Variants in CCDC141 observed in about 807,000 individuals in gnomAD.
CCDC141 encodes the protein coiled-coil domain-containing protein 141.
Under a neutral mutation model 181.0 loss-of-function variants are expected in CCDC141, and 168 were observed. That is an observed-to-expected ratio of 0.93 (90% CI 0.82 to 1.05). The LOEUF is 1.05. CCDC141 is among the 50% of genes least tolerant of loss of function. CCDC141 has a pLI of 0.00. For missense variants in CCDC141, 1,902 were observed against 1,788.5 expected, an observed-to-expected ratio of 1.06 and a Z score of -1.14; for synonymous variants, 666 against 642.3, an observed-to-expected ratio of 1.04 and a Z score of -0.56.
intron 3 of CCDC141, 31 bp from the exon 4 acceptor site, chr2:178,975,196 G>C: frequency 8.6e-7 from 1 of 1,161,320 alleles, no homozygotes; most frequent in Non-Finnish European, 1.2e-6. Context: ...AAAGACATTT[G>C]ACATTTGTAT....
rs560263437 is a variant in CCDC141 at position 178,838,503 on chromosome 2, T to C, written c.3475-759A>G. On this transcript the variant is annotated intron_variant, in intron 22 of 23. Transcript: ENST00000443758. ...TACCTCATATAGAGAAAGCAATTCT[T>C]CATGACTAGTTTTATTTTCTTGAAG... 2.6e-5 allele frequency among the ~76,000 whole-genome samples: 4 copies of C among 152,350 alleles called. No individual in the cohort carries two copies. The South Asian group carries it at 8.3e-4, about 32-fold the overall frequency.
At chr2:178,829,245 T>C (rs920625494), downstream of CCDC141, among the ~76,000 whole-genome samples, 6 of 152,366 alleles carry the variant, frequency 3.9e-5, no homozygotes, top group Admixed American at 1.3e-4. Context: ...TTCTGCACTC[T>C]TGCTCTTTAA....
chr2:178,984,348 C>T (rs919577862), intron 2 of CCDC141, among the ~76,000 whole-genome samples: 32 of 149,138 alleles, frequency 2.1e-4, no homozygotes, highest in Middle Eastern at 3.4e-3. Flanking sequence ...CCAGTACCAG[C>T]CGCTGCAAAA....
rs1157996373 is a variant in CCDC141 at position 178,872,439 on chromosome 2, G to A, written c.1900-127C>T. 9.7e-6 allele frequency: 8 copies of A among 825,110 alleles called. No individual in the cohort carries two copies. In the East Asian group the frequency reaches 2.2e-4, roughly 23 times the overall value. 51.1% of individuals were successfully genotyped at this position (825,110 alleles called of 1,614,324 possible). A position where few individuals can be genotyped will look rare whatever the true frequency, so the allele number is the denominator to read the frequency against. ...AGCCGAAGATGGTTCTGACATCCAA[G>A]CAAGTCCGAAATCCCTGCGCAGAGG... On this transcript the variant is annotated intron_variant, in intron 12 of 23. Transcript: ENST00000443758.
chr2:178,944,976 A>G (rs566526459), intron 5 of CCDC141, among the ~76,000 whole-genome samples: 1 of 152,210 alleles, frequency 6.6e-6, no homozygotes, highest in Non-Finnish European at 1.5e-5. Context: ...TTCATTTAAA[A>G]TATATCTTCT....
chr2:178,987,808 G>C (rs1691828529), intron 2 of CCDC141, among the ~76,000 whole-genome samples: 1 of 149,852 alleles, frequency 6.7e-6, no homozygotes, highest in Non-Finnish European at 1.5e-5. Flanking sequence ...TCATTAAAAA[G>C]TCAGGAAACA....
intron 4 of CCDC141, among the ~76,000 whole-genome samples, chr2:178,966,111 C>T (rs1690618832): frequency 6.6e-6 from 1 of 152,178 alleles, no homozygotes; most frequent in South Asian, 2.1e-4. Context: ...AAGGCAGCCG[C>T]CCCAGTCAGG....
intron 2 of CCDC141, among the ~76,000 whole-genome samples, chr2:178,978,884 C>T (rs1691242306): frequency 1.3e-5 from 2 of 152,102 alleles, no homozygotes; most frequent in South Asian, 2.1e-4. Flanking sequence ...AGGCTAAGGG[C>T]GTTCACATTT....
At chr2:178,822,701 T>C in the CCDC141 span, among the ~76,000 whole-genome samples, 1 of 152,214 alleles carries the variant, frequency 6.6e-6, no homozygotes, top group Non-Finnish European at 1.5e-5. Context: ...GATGGCCCTA[T>C]GTTTCTCAGG....
chr2:178,900,547 C>T (rs1687635647), intron 8 of CCDC141, among the ~76,000 whole-genome samples: 1 of 151,972 alleles, frequency 6.6e-6, no homozygotes, highest in Non-Finnish European at 1.5e-5. Context: ...GAGACAGCAC[C>T]ACTCTTGGCA....
intron 4 of CCDC141, among the ~76,000 whole-genome samples, chr2:178,965,837 C>A (rs1690604555): frequency 6.6e-6 from 1 of 152,150 alleles, no homozygotes; most frequent in African/African-American, 2.4e-5. Context: ...AGTTCCCACC[C>A]CCAGAGAGCC....
chr2:178,862,242 T>C (rs1166210281), intron 17 of CCDC141, among the ~76,000 whole-genome samples: 1 of 152,204 alleles, frequency 6.6e-6, no homozygotes, highest in African/African-American at 2.4e-5. Flanking sequence ...GTTGCTACAG[T>C]GGAAAATTTC....
chr2:179,015,381 CTCATATATGTATCATATAT>C (rs2042456018), intron 2 of CCDC141, among the ~76,000 whole-genome samples: 2 of 136,824 alleles, frequency 1.5e-5, no homozygotes, highest in Admixed American at 7.9e-5. Context: ...TCATATATAT[CTCATATATGTATCATATAT>C]CTCATATATG....
At chr2:178,925,354 G>GTGGACCCACTAAGCAGCACTT (rs1459979108) in intron 6 of CCDC141, among the ~76,000 whole-genome samples, 3 of 152,214 alleles carry the variant, frequency 2.0e-5, no homozygotes, top group Admixed American at 6.5e-5. Flanking sequence ...TGGCCACTGA[G>GTGGACCCACTAAGCAGCACTT]TGGACCCACT....
chr2:178,891,069 T>G (rs1004071321), intron 8 of CCDC141, among the ~76,000 whole-genome samples: 1 of 152,156 alleles, frequency 6.6e-6, no homozygotes, highest in Non-Finnish European at 1.5e-5. Flanking sequence ...TAATTTCAAG[T>G]CTCTTTGCTA....
At chr2:179,015,089 T>TACAC (rs1319398966) in intron 2 of CCDC141, among the ~76,000 whole-genome samples, 1 of 47,124 alleles carries the variant, frequency 2.1e-5, no homozygotes, top group Admixed American at 1.7e-4. Flanking sequence ...TATATATATA[T>TACAC]ATATATATAT....
chr2:178,993,881 G>T (rs890085885), intron 2 of CCDC141, among the ~76,000 whole-genome samples: 8 of 152,212 alleles, frequency 5.3e-5, no homozygotes, highest in East Asian at 1.9e-4. Context: ...AAATCTAGCA[G>T]AGTAGTCAAA....
At chr2:179,047,994 G>C (rs1023189542) in intron 1 of CCDC141, among the ~76,000 whole-genome samples, 1 of 152,182 alleles carries the variant, frequency 6.6e-6, no homozygotes, top group Non-Finnish European at 1.5e-5. Flanking sequence ...ATTAAAGCGT[G>C]TAGGAAAATA....
rs538421004 is a variant in CCDC141, at chr2:178,861,691, A to G, written c.2724+4076T>C. On this transcript the variant is annotated intron_variant, in intron 17 of 23. Transcript: ENST00000443758. The stretch of plus-strand genomic sequence containing the variant: ...GAGGCAGGGTCTCACCATCTTGCCT[A>G]GGCTGGACTGGAACTCCTGGGCTCC... Among the ~76,000 whole-genome samples, 295 of 151,270 alleles carry G rather than the reference A, an allele frequency of 2.0e-3. 6 individuals carry two copies. In the South Asian group the frequency reaches 0.021, roughly 11 times the overall value.
Sources: gnomAD v4.1 joint callset for allele counts (sites outside exome capture counted in the v4.1 genomes callset) on GRCh38, gnomAD v4.1.1 for gene constraint, MANE v1.5 for transcripts, NCBI Gene and HGNC (gene_info 2026-07-23, HGNC 2026-07-21) for gene names.